The following RBFOX1 variants were observed in gnomAD, a reference collection of about 807,000 sequenced individuals.
RBFOX1 encodes RNA binding protein fox-1 homolog 1.
RBFOX1 carries 8 observed loss-of-function variants against 57.7 expected under a neutral mutation model. The observed-to-expected ratio is 0.14, with a 90% CI of 0.08 to 0.25. The LOEUF is 0.25. RBFOX1 is among the 10% of genes least tolerant of loss of function. The probability of loss-of-function intolerance (pLI) is 1.00; values close to 1 mark genes in which losing one functional copy is unlikely to be tolerated. For synonymous variants in RBFOX1, 326 were observed against 222.4 expected, an observed-to-expected ratio of 1.47 and a Z score of -4.15; for missense variants, 611 against 548.5, an observed-to-expected ratio of 1.11 and a Z score of -1.14.
At chr16:6,951,115 C>T (rs999639834) in intron 3 of RBFOX1, among the ~76,000 whole-genome samples, 1 of 152,064 alleles carries the variant, frequency 6.6e-6, no homozygotes, top group Non-Finnish European at 1.5e-5. Context: ...CTATGTTGCC[C>T]AGGCTGGTCT....
intron 4 of RBFOX1, among the ~76,000 whole-genome samples, chr16:7,360,046 A>G (rs529326448): frequency 6.6e-6 from 1 of 152,228 alleles, no homozygotes; most frequent in East Asian, 1.9e-4. Context: ...TTTTAATTAC[A>G]CTATATAGTC....
chr16:7,671,203 T>A (rs1016137), intron 13 of RBFOX1, among the ~76,000 whole-genome samples: 26 of 152,148 alleles, frequency 1.7e-4, no homozygotes, highest in Admixed American at 1.7e-3. Context: ...AAAATTCCAA[T>A]CATGAGATAA....
At chr16:7,566,480 A>G (rs1239358601) in intron 5 of RBFOX1, among the ~76,000 whole-genome samples, 2 of 152,190 alleles carry the variant, frequency 1.3e-5, no homozygotes, top group Admixed American at 1.3e-4. Context: ...AGAGTTTAGG[A>G]TACGGAATTA....
chr16:5,999,745 C>G (rs557559337), intron 4 of RBFOX1, among the ~76,000 whole-genome samples: 2 of 151,868 alleles, frequency 1.3e-5, no homozygotes, highest in Non-Finnish European at 2.9e-5. Context: ...CCTGTAGTCC[C>G]AGCTACTTGG....
chr16:5,300,598 A>G (rs1280044726), intron 1 of RBFOX1, among the ~76,000 whole-genome samples: 6 of 152,144 alleles, frequency 3.9e-5, no homozygotes, highest in African/African-American at 1.4e-4. Flanking sequence ...TTTTTTAAAG[A>G]TTTGATGAAA....
At chr16:7,409,874 G>A (rs927161132) in intron 4 of RBFOX1, among the ~76,000 whole-genome samples, 1 of 152,178 alleles carries the variant, frequency 6.6e-6, no homozygotes, top group African/African-American at 2.4e-5. Context: ...AAATTGAAGT[G>A]TGGAAAAATG....
At chr16:7,312,871 A>G (rs1405395503) in intron 4 of RBFOX1, among the ~76,000 whole-genome samples, 1 of 152,052 alleles carries the variant, frequency 6.6e-6, no homozygotes, top group Non-Finnish European at 1.5e-5. Context: ...GCTAAAGTGT[A>G]GATCGTCACC....
At chr16:6,988,527 A>G (rs2090778419) in intron 3 of RBFOX1, among the ~76,000 whole-genome samples, 1 of 151,560 alleles carries the variant, frequency 6.6e-6, no homozygotes, top group South Asian at 2.1e-4. Context: ...TACCTGTTTT[A>G]TTTTTTCTTT....
chr16:5,265,795 G>A (rs191440721), intron 1 of RBFOX1, among the ~76,000 whole-genome samples: 2 of 152,104 alleles, frequency 1.3e-5, no homozygotes, highest in African/African-American at 2.4e-5. Flanking sequence ...TCTCCTGTTC[G>A]GGGGACTGTG....
intron 14 of RBFOX1, among the ~76,000 whole-genome samples, chr16:7,702,870 A>C (rs1254978374): frequency 6.6e-6 from 1 of 152,232 alleles, no homozygotes; most frequent in Non-Finnish European, 1.5e-5. Context: ...AAAAGTCCTC[A>C]AACCCCAAAA....
At chr16:5,971,913 C>G (rs916043203) in intron 4 of RBFOX1, among the ~76,000 whole-genome samples, 3 of 152,198 alleles carry the variant, frequency 2.0e-5, no homozygotes, top group African/African-American at 7.2e-5. Context: ...TGGGCCTCAT[C>G]CAGTCAGCTG....
intron 4 of RBFOX1, among the ~76,000 whole-genome samples, chr16:5,890,247 G>A (rs1019146536): frequency 3.9e-5 from 6 of 152,128 alleles, no homozygotes. Flanking sequence ...ATTATAACAG[G>A]CATTAGTAAT....
intron 4 of RBFOX1, among the ~76,000 whole-genome samples, chr16:7,381,782 C>T (rs577409931): frequency 2.0e-5 from 3 of 152,226 alleles, no homozygotes; most frequent in Admixed American, 6.5e-5. Context: ...GTTTATATCA[C>T]GGTTTCTCCA....
intron 3 of RBFOX1, among the ~76,000 whole-genome samples, chr16:6,707,557 T>G (rs1456517562): frequency 6.7e-6 from 1 of 149,404 alleles, no homozygotes; most frequent in Non-Finnish European, 1.5e-5. Context: ...TTTCTAAGAT[T>G]TCCTTAGAAT....
chr16:6,540,914 T>C (rs1404350360), intron 2 of RBFOX1, among the ~76,000 whole-genome samples: 1 of 152,176 alleles, frequency 6.6e-6, no homozygotes, highest in Non-Finnish European at 1.5e-5. Flanking sequence ...CTCTGACTTC[T>C]TGGAGTTGAG....
At chr16:6,367,558 A>T (rs2089833438) in intron 2 of RBFOX1, among the ~76,000 whole-genome samples, 1 of 152,026 alleles carries the variant, frequency 6.6e-6, no homozygotes. Flanking sequence ...GCGTGAGCCA[A>T]TGCGCCTGGC....
intron 2 of RBFOX1, among the ~76,000 whole-genome samples, chr16:6,543,689 C>G (rs1036248424): frequency 9.9e-5 from 15 of 152,000 alleles, no homozygotes; most frequent in African/African-American, 3.1e-4. Context: ...GAGAGGAGAA[C>G]CTACGGGATT....
intron 4 of RBFOX1, chr16:7,332,968 G>A: frequency 6.2e-7 from 1 of 1,612,826 alleles, no homozygotes; most frequent in Non-Finnish European, 8.5e-7. Flanking sequence ...TTGATGTGTT[G>A]AGCTTCAGAG....
At chr16:5,489,193 G>T (rs185571230) in intron 2 of RBFOX1, among the ~76,000 whole-genome samples, 46 of 152,358 alleles carry the variant, frequency 3.0e-4, no homozygotes, top group Non-Finnish European at 1.5e-4. Flanking sequence ...CCTAGGCGCA[G>T]TTGGCTTTTT....
Sources: allele counts gnomAD v4.1 joint callset (sites outside exome capture counted in the v4.1 genomes callset), GRCh38; gene constraint gnomAD v4.1.1; transcripts MANE v1.5; gene names NCBI Gene and HGNC (gene_info 2026-07-23, HGNC 2026-07-21).